The following ITFG1 variants were observed in gnomAD, a reference collection of about 807,000 sequenced individuals.
The protein encoded by ITFG1 is T-cell immunomodulatory protein.
ITFG1 carries 34 observed loss-of-function variants against 81.8 expected under a neutral mutation model. The ratio of observed to expected loss-of-function variants is 0.42; its 90% CI spans 0.32 to 0.55. The LOEUF (loss-of-function observed/expected upper bound fraction) is 0.55, where lower values mean the gene tolerates loss of function less well. Ranked by LOEUF, ITFG1 falls within the 20% of genes least tolerant of loss-of-function variation. The probability of loss-of-function intolerance (pLI) is 0.17; values close to 1 mark genes in which losing one functional copy is unlikely to be tolerated. For synonymous variants in ITFG1, 285 were observed against 270.6 expected (o/e 1.05, Z -0.52); for missense variants, 672 against 755.4 (o/e 0.89, Z 1.29).
chr16:47,303,379 G>T (rs543240233), intron 10 of ITFG1, among the ~76,000 whole-genome samples: 10 of 152,286 alleles, frequency 6.6e-5, no homozygotes, highest in African/African-American at 1.9e-4. Context: ...GAGAAAAGGT[G>T]ATGGGCTTAT....
chr16:47,266,210 T>G (rs1474805233), intron 10 of ITFG1, among the ~76,000 whole-genome samples: 1 of 151,966 alleles, frequency 6.6e-6, no homozygotes, highest in Non-Finnish European at 1.5e-5. Flanking sequence ...GGTAAAATTT[T>G]TTTGTTTGTT....
chr16:47,344,938 T>TAA (rs1470927387), intron 8 of ITFG1, among the ~76,000 whole-genome samples: 5 of 152,254 alleles, frequency 3.3e-5, no homozygotes, highest in Non-Finnish European at 7.3e-5. Context: ...CTACTGTGTA[T>TAA]AAGTACCACA....
intron 6 of ITFG1, among the ~76,000 whole-genome samples, chr16:47,378,100 A>T (rs1226918179): frequency 6.6e-6 from 1 of 152,232 alleles, no homozygotes; most frequent in Non-Finnish European, 1.5e-5. Flanking sequence ...TAAGAAAGTG[A>T]TTAGGGATTA....
chr16:47,443,641 C>T (rs1283634332), intron 5 of ITFG1, among the ~76,000 whole-genome samples: 1 of 152,008 alleles, frequency 6.6e-6, no homozygotes, highest in African/African-American at 2.4e-5. Context: ...AGCAAACTAT[C>T]GCAAGGAGAA....
chr16:47,369,773 T>C (rs1209924160), intron 7 of ITFG1, among the ~76,000 whole-genome samples: 1 of 152,080 alleles, frequency 6.6e-6, no homozygotes, highest in Non-Finnish European at 1.5e-5. Flanking sequence ...TCAGGGTTTT[T>C]AGCATATCGA....
chr16:47,274,677 C>T (rs1966378971), intron 10 of ITFG1, among the ~76,000 whole-genome samples: 1 of 152,018 alleles, frequency 6.6e-6, no homozygotes. Context: ...AATAGAATAC[C>T]TATGATAATG....
chr16:47,309,461 T>C (rs1967223417), intron 10 of ITFG1, among the ~76,000 whole-genome samples: 1 of 152,236 alleles, frequency 6.6e-6, no homozygotes, highest in Non-Finnish European at 1.5e-5. Context: ...GAAAATGATC[T>C]AACAAGGTCT....
chr16:47,385,407 G>A (rs1288010872), intron 6 of ITFG1, among the ~76,000 whole-genome samples: 1 of 152,134 alleles, frequency 6.6e-6, no homozygotes, highest in Non-Finnish European at 1.5e-5. Flanking sequence ...GTAATTCTGA[G>A]AAGTAAATAA....
intron 14 of ITFG1, among the ~76,000 whole-genome samples, chr16:47,195,778 T>C (rs1331485961): frequency 6.6e-6 from 1 of 152,176 alleles, no homozygotes; most frequent in Admixed American, 6.5e-5. Context: ...ATGGGATACA[T>C]GTGCAGAATG....
chr16:47,350,220 G>A (rs1228417659), intron 8 of ITFG1, among the ~76,000 whole-genome samples: 1 of 152,044 alleles, frequency 6.6e-6, no homozygotes, highest in Admixed American at 6.6e-5. Context: ...GATCAGACCA[G>A]AACTGAAGAA....
intron 10 of ITFG1, among the ~76,000 whole-genome samples, chr16:47,310,293 C>T (rs372316324): frequency 2.6e-5 from 4 of 152,170 alleles, no homozygotes; most frequent in African/African-American, 7.2e-5. Context: ...CGTCTGACTT[C>T]TTCTGGAGAA....
chr16:47,182,773 G>A lies in ITFG1; in HGVS notation c.1454-20109C>T, dbSNP rs1336303699. Among the ~76,000 whole-genome samples the A allele has an allele frequency of 3.9e-5, 6 of 152,334 alleles. 1 individual carries two copies. The highest frequency in any genetic ancestry group is 3.9e-4 in the Admixed American group (6 of 15,302). ...CTTTGTAGGTGGGAGGAGCCAAGATGGCCGAATAGGAAAAGCTCCGGTCTA... is the reference window on the plus strand; with the variant it reads ...CTTTGTAGGTGGGAGGAGCCAAGATAGCCGAATAGGAAAAGCTCCGGTCTA... On this transcript the variant is annotated intron_variant, in intron 14 of 17. Coordinates refer to ENST00000320640, the MANE Select transcript of ITFG1 (RefSeq NM_030790.5).
chr16:47,442,176 A>G (rs955211667), intron 5 of ITFG1, among the ~76,000 whole-genome samples: 2 of 152,216 alleles, frequency 1.3e-5, no homozygotes, highest in African/African-American at 4.8e-5. Context: ...CAATGAAATA[A>G]AAGAGGATAT....
At chr16:47,249,553 A>G (rs941817943) in intron 12 of ITFG1, among the ~76,000 whole-genome samples, 4 of 152,242 alleles carry the variant, frequency 2.6e-5, no homozygotes, top group African/African-American at 9.6e-5. Context: ...GTTTTTAAAG[A>G]TTAAAAAAAT....
At chr16:47,400,867 T>C (rs1249635427) in intron 6 of ITFG1, among the ~76,000 whole-genome samples, 2 of 152,118 alleles carry the variant, frequency 1.3e-5, no homozygotes, top group South Asian at 2.1e-4. Context: ...GAAAAGGCCT[T>C]GTGCACCATG....
chr16:47,259,740 G>A (rs914034421), intron 11 of ITFG1, among the ~76,000 whole-genome samples: 12 of 152,004 alleles, frequency 7.9e-5, no homozygotes, highest in Non-Finnish European at 1.5e-4. Flanking sequence ...TTTTCAGAGC[G>A]GTAAACTGGC....
intron 6 of ITFG1, among the ~76,000 whole-genome samples, chr16:47,415,649 A>G (rs1413461339): frequency 1.3e-5 from 2 of 152,216 alleles, no homozygotes; most frequent in Non-Finnish European, 2.9e-5. Flanking sequence ...TGCATATCAA[A>G]ATCATAATGA....
chr16:47,438,935 G>GA (rs1969207255), intron 5 of ITFG1, among the ~76,000 whole-genome samples: 4 of 151,746 alleles, frequency 2.6e-5, no homozygotes, highest in African/African-American at 7.3e-5. Context: ...TCAAAACTTT[G>GA]AAAAAAAATT....
At chr16:47,206,183 T>C (rs1212950622) in intron 14 of ITFG1, among the ~76,000 whole-genome samples, 2 of 152,088 alleles carry the variant, frequency 1.3e-5, no homozygotes, top group African/African-American at 4.8e-5. Flanking sequence ...AAATATTTGA[T>C]AATAATAGTT....
Sources: allele counts gnomAD v4.1 joint callset (sites outside exome capture counted in the v4.1 genomes callset), GRCh38; gene constraint gnomAD v4.1.1; transcripts MANE v1.5; gene names NCBI Gene and HGNC (gene_info 2026-07-23, HGNC 2026-07-21).